Variants in ADGRL2 observed in about 807,000 individuals in gnomAD.
The protein encoded by ADGRL2 is calcium-independent alpha-latrotoxin receptor 2.
Under a neutral mutation model 157.4 loss-of-function variants are expected in ADGRL2, and 44 were observed. The observed-to-expected ratio is 0.28, with a 90% CI of 0.22 to 0.36. ADGRL2 has a LOEUF of 0.36. ADGRL2 is among the 10% of genes least tolerant of loss of function. The probability of loss-of-function intolerance (pLI) is 1.00; values close to 1 mark genes in which losing one functional copy is unlikely to be tolerated. For missense variants in ADGRL2, 1,510 were observed against 1,768.9 expected, an observed-to-expected ratio of 0.85 and a Z score of 2.63; for synonymous variants, 585 against 624.7, an observed-to-expected ratio of 0.94 and a Z score of 0.95.
In ADGRL2 at chr1:81,636,068, T is replaced by C. The variant is rs570241899; in HGVS notation, c.-143+55088T>C. On this transcript the variant is annotated intron_variant, in intron 3 of 24. Transcript: ENST00000370721. Reference sequence around the variant, plus strand: ...TCCTTGCTCAGCCCCTAAAACAGTATCCAGACTAGAGGACCCAGTCAACAT... The same window carrying C: ...TCCTTGCTCAGCCCCTAAAACAGTACCCAGACTAGAGGACCCAGTCAACAT... 4.6e-5 allele frequency among the ~76,000 whole-genome samples: 7 copies of C among 152,206 alleles called. No homozygotes were observed. The East Asian group carries it at 1.4e-3, about 29-fold the overall frequency.
chr1:81,856,227 CCTCAA>C (rs1473393359), intron 2 of ADGRL2, among the ~76,000 whole-genome samples: 3 of 140,398 alleles, frequency 2.1e-5, no homozygotes, highest in Non-Finnish European at 4.9e-5. Flanking sequence ...CTGTTCTTTC[CCTCAA>C]CTCTTTTTAT....
chr1:81,364,145 A>G (rs145303056), intron 1 of ADGRL2, among the ~76,000 whole-genome samples: 1 of 152,220 alleles, frequency 6.6e-6, no homozygotes, highest in African/African-American at 2.4e-5. Flanking sequence ...AGAAAGCCAG[A>G]CTAAAAAAAT....
At chr1:81,613,757 T>C (rs1570640401) in intron 3 of ADGRL2, among the ~76,000 whole-genome samples, 1 of 152,028 alleles carries the variant, frequency 6.6e-6, no homozygotes, top group African/African-American at 2.4e-5. Flanking sequence ...TAGCTAGGAG[T>C]GGGGAGGGGT....
intron 2 of ADGRL2, among the ~76,000 whole-genome samples, chr1:81,459,804 ATGTG>A (rs1002155779): frequency 9.5e-6 from 1 of 105,228 alleles, no homozygotes; most frequent in African/African-American, 3.3e-5. Flanking sequence ...ATATATATGT[ATGTG>A]TTTGTATATA....
At position 81,986,895 on chromosome 1, in the gene ADGRL2, C is replaced by A; in HGVS notation, c.3509-6C>A. 1 of 1,589,914 alleles carries A rather than the reference C, an allele frequency of 6.3e-7. No homozygotes were observed. Among genetic ancestry groups the A allele is most frequent in the Non-Finnish European group, 8.6e-7 (1 of 1,167,478 alleles). ...GTTTTTTTGTTGTTTTTTTTTTTTACTTTAGGAATGACTGGCAATTACCTA... is the reference window on the plus strand; with the variant it reads ...GTTTTTTTGTTGTTTTTTTTTTTTAATTTAGGAATGACTGGCAATTACCTA... On this transcript the variant is annotated splice_polypyrimidine_tract_variant and splice_region_variant and intron_variant, in intron 21 of 23. Coordinates refer to ENST00000686636, the MANE Select transcript of ADGRL2 (RefSeq NM_001366006.2).
chr1:81,432,572 A>C (rs113910946), intron 1 of ADGRL2, among the ~76,000 whole-genome samples: 1 of 152,200 alleles, frequency 6.6e-6, no homozygotes, highest in Non-Finnish European at 1.5e-5. Flanking sequence ...GTGAAATGTT[A>C]TTATGAGTTC....
chr1:81,774,124 G>A (rs915873909), intron 2 of ADGRL2, among the ~76,000 whole-genome samples: 5 of 152,104 alleles, frequency 3.3e-5, no homozygotes, highest in African/African-American at 1.2e-4. Context: ...CCTGTCTGTG[G>A]TATTTGTTAT....
intron 1 of ADGRL2, among the ~76,000 whole-genome samples, chr1:81,720,179 C>CTTTTTTTTTTTTT (rs370916970): frequency 1.4e-5 from 2 of 138,888 alleles, no homozygotes; most frequent in Non-Finnish European, 3.1e-5. Context: ...TCCTTTTTTT[C>CTTTTTTTTTTTTT]TTTTCTTTTT....
chr1:81,589,046 C>T (rs1448396438), intron 3 of ADGRL2, among the ~76,000 whole-genome samples: 2 of 152,068 alleles, frequency 1.3e-5, no homozygotes, highest in African/African-American at 4.8e-5. Context: ...TTCCTGTGCT[C>T]ATGTATTCTA....
chr1:81,876,439 A>G (rs1002040072), intron 2 of ADGRL2, among the ~76,000 whole-genome samples: 7 of 152,152 alleles, frequency 4.6e-5, no homozygotes, highest in East Asian at 1.9e-4. Context: ...ATACTAGACA[A>G]TATGTGACCT....
chr1:81,778,909 C>A (rs1015962273), intron 2 of ADGRL2, among the ~76,000 whole-genome samples: 3 of 152,206 alleles, frequency 2.0e-5, no homozygotes, highest in Non-Finnish European at 4.4e-5. Context: ...GCAACTTATT[C>A]AACCAAATAG....
chr1:81,429,038 A>T (rs983950044), intron 1 of ADGRL2, among the ~76,000 whole-genome samples: 2 of 152,060 alleles, frequency 1.3e-5, no homozygotes, highest in African/African-American at 4.8e-5. Context: ...AGTCTGAACC[A>T]CCTATTCACA....
chr1:81,906,813 G>A (rs2094593422), intron 2 of ADGRL2, among the ~76,000 whole-genome samples: 1 of 152,066 alleles, frequency 6.6e-6, no homozygotes, highest in South Asian at 2.1e-4. Flanking sequence ...AGGGTATTTT[G>A]TAAAGATGAA....
intron 2 of ADGRL2, among the ~76,000 whole-genome samples, chr1:81,514,340 C>T (rs193281343): frequency 6.6e-5 from 10 of 152,194 alleles, no homozygotes; most frequent in Admixed American, 6.5e-4. Context: ...TAGGCTCTTC[C>T]ACTGATTAGA....
At chr1:81,854,273 A>G (rs2093124284) in intron 2 of ADGRL2, among the ~76,000 whole-genome samples, 1 of 152,212 alleles carries the variant, frequency 6.6e-6, no homozygotes, top group South Asian at 2.1e-4. Context: ...TTATCCTGTC[A>G]GCTTTGATTT....
intron 2 of ADGRL2, among the ~76,000 whole-genome samples, chr1:81,849,457 G>C (rs1281360017): frequency 1.3e-5 from 2 of 151,862 alleles, no homozygotes; most frequent in African/African-American, 2.4e-5. Context: ...ACTTACGTGA[G>C]TAGATTTCAA....
upstream of ADGRL2, among the ~76,000 whole-genome samples, chr1:81,799,757 T>C (rs1003618699): frequency 6.6e-6 from 1 of 152,200 alleles, no homozygotes; most frequent in Non-Finnish European, 1.5e-5. Flanking sequence ...GTTTTAAATA[T>C]TGGAGAATCA....
At chr1:81,825,276 T>C (rs1313368628) in intron 1 of ADGRL2, among the ~76,000 whole-genome samples, 6 of 152,194 alleles carry the variant, frequency 3.9e-5, no homozygotes, top group African/African-American at 1.4e-4. Flanking sequence ...TGTGGGAGGA[T>C]TGCTTGAGTC....
At chr1:81,622,847 T>C (rs2148717193) in intron 3 of ADGRL2, among the ~76,000 whole-genome samples, 1 of 152,378 alleles carries the variant, frequency 6.6e-6, no homozygotes, top group Middle Eastern at 3.4e-3. Context: ...CATTGTTAAT[T>C]TTGTTACTAT....
Sources: allele counts gnomAD v4.1 joint callset (sites outside exome capture counted in the v4.1 genomes callset), GRCh38; gene constraint gnomAD v4.1.1; transcripts MANE v1.5; gene names NCBI Gene and HGNC (gene_info 2026-07-23, HGNC 2026-07-21).